Variants in TNRC6A observed in about 807,000 individuals in gnomAD.
TNRC6A encodes trinucleotide repeat-containing gene 6A protein.
In TNRC6A, 44 loss-of-function variants were observed where a neutral mutation model predicts 221.2. The ratio of observed to expected loss-of-function variants is 0.20; its 90% CI spans 0.16 to 0.26. TNRC6A has a LOEUF of 0.26. TNRC6A is among the 10% of genes least tolerant of loss of function. The pLI is 1.00. For missense variants in TNRC6A, 2,199 were observed against 2,404.4 expected, an observed-to-expected ratio of 0.91 and a Z score of 1.79; for synonymous variants, 847 against 838.5, an observed-to-expected ratio of 1.01 and a Z score of -0.18.
chr16:24,762,786 C>T (rs560542357), intron 4 of TNRC6A, among the ~76,000 whole-genome samples: 4 of 152,206 alleles, frequency 2.6e-5, no homozygotes, highest in Non-Finnish European at 5.9e-5. Flanking sequence ...TGACTACGAA[C>T]TTGACTGGGC....
intron 2 of TNRC6A, among the ~76,000 whole-genome samples, chr16:24,709,215 C>T (rs2056157214): frequency 6.6e-6 from 1 of 151,806 alleles, no homozygotes; most frequent in Non-Finnish European, 1.5e-5. Context: ...CGAGATCATA[C>T]CATTGCACTC....
At chr16:24,610,336 T>C (rs1256105546) in exon 1 of TNRC6A, 1 of 152,326 alleles carries the variant, frequency 6.6e-6, no homozygotes, top group Non-Finnish European at 1.5e-5. Flanking sequence ...GCTCTCCCCA[T>C]CGCTGGGTTC....
At chr16:24,806,855 C>A (rs1293317280) in intron 17 of TNRC6A, 71 bp downstream of exon 17, 2 of 1,384,490 alleles carry the variant, frequency 1.4e-6, no homozygotes, top group Non-Finnish European at 2.0e-6. Flanking sequence ...TCACACGTAC[C>A]CTTACAGCTC....
At chr16:24,716,101 G>A (rs555095757) in intron 2 of TNRC6A, among the ~76,000 whole-genome samples, 1 of 151,716 alleles carries the variant, frequency 6.6e-6, no homozygotes, top group African/African-American at 2.4e-5. Context: ...TTCAACTCAA[G>A]AAGTCCACTG....
At chr16:24,783,851 C>CT (rs1426698415) in intron 5 of TNRC6A, among the ~76,000 whole-genome samples, 3 of 152,134 alleles carry the variant, frequency 2.0e-5, no homozygotes, top group Admixed American at 2.0e-4. Context: ...TCTTGTGTGT[C>CT]TTTAAGTGAA....
chr16:24,651,965 T>A (rs970159171), intron 2 of TNRC6A, among the ~76,000 whole-genome samples: 2 of 151,366 alleles, frequency 1.3e-5, no homozygotes. Flanking sequence ...AAAAAAACTT[T>A]TTGATGATGG....
intron 2 of TNRC6A, among the ~76,000 whole-genome samples, chr16:24,693,973 T>C (rs2055807183): frequency 6.6e-6 from 1 of 152,212 alleles, no homozygotes; most frequent in African/African-American, 2.4e-5. Flanking sequence ...CCCTCATTTC[T>C]GGCTTTGTTT....
At chr16:24,814,405 T>C (rs1242650721) in intron 18 of TNRC6A, among the ~76,000 whole-genome samples, 2 of 138,680 alleles carry the variant, frequency 1.4e-5, no homozygotes, top group Non-Finnish European at 3.0e-5. Context: ...TTTCTTTTTT[T>C]TTTCTTTTTT....
At chr16:24,676,944 C>A (rs560837652) in intron 2 of TNRC6A, among the ~76,000 whole-genome samples, 1 of 152,096 alleles carries the variant, frequency 6.6e-6, no homozygotes, top group East Asian at 1.9e-4. Flanking sequence ...TTCCTCTAGC[C>A]TTCTTTTCTC....
At chr16:24,802,062 CTG>C (rs1230450075) in intron 11 of TNRC6A, among the ~76,000 whole-genome samples, 3 of 152,192 alleles carry the variant, frequency 2.0e-5, no homozygotes, top group African/African-American at 7.2e-5. Context: ...AGATTCATGA[CTG>C]GAACAGTACT....
In TNRC6A at chr16:24,649,639, G is replaced by A. The variant is rs371866566; in HGVS notation, n.402+8630G>A. ...ATACTTCTTTGTGTGTGTGTGGTAAGAACACTTAATATCTACTCTCTTAGC... is the reference window on the plus strand; with the variant it reads ...ATACTTCTTTGTGTGTGTGTGGTAAAAACACTTAATATCTACTCTCTTAGC... On this transcript the variant is annotated intron_variant and non_coding_transcript_variant, in intron 2 of 2. Coordinates refer to the TNRC6A transcript ENST00000566108. Among the ~76,000 whole-genome samples, 51 of 151,970 alleles carry A rather than the reference G, an allele frequency of 3.4e-4. 2 individuals are homozygous for A. The East Asian group carries it at 4.3e-3, about 13-fold the overall frequency.
In TNRC6A at chr16:24,797,479, A is replaced by G. The variant is rs11866661; in HGVS notation, c.3562-11A>G. 78 of 1,605,426 alleles carry G rather than the reference A, an allele frequency of 4.9e-5. No homozygotes were observed. In the African/African-American group the frequency reaches 9.1e-4, roughly 19 times the overall value. ...GCCATGGCATCTTTTCTACTCTTTT[A>G]TTTTACAAAGGGAATGATGAAAGGT... is the stretch of plus-strand genomic sequence containing the variant. On this transcript the variant is annotated splice_polypyrimidine_tract_variant and intron_variant, in intron 9 of 24. Coordinates refer to ENST00000395799, the MANE Select transcript of TNRC6A (RefSeq NM_014494.4).
chr16:24,757,968 G>A (rs2057287279), intron 3 of TNRC6A, among the ~76,000 whole-genome samples: 2 of 152,046 alleles, frequency 1.3e-5, no homozygotes, highest in South Asian at 4.1e-4. Flanking sequence ...ATTTAAACAT[G>A]CAAAATATAT....
chr16:24,701,997 A>AC (rs961402554), intron 2 of TNRC6A, among the ~76,000 whole-genome samples: 2 of 151,708 alleles, frequency 1.3e-5, no homozygotes, highest in Non-Finnish European at 2.9e-5. Context: ...AACAAAAAAA[A>AC]CACGCCTCTC....
At chr16:24,704,952 A>C (rs111850417) in intron 2 of TNRC6A, among the ~76,000 whole-genome samples, 4,262 of 152,150 alleles carry the variant, frequency 0.028, 207 homozygotes, top group African/African-American at 0.097. Flanking sequence ...CAGCATGGGC[A>C]ACATAACGAG....
At position 24,823,682 on chromosome 16, in the gene TNRC6A, C is replaced by T; in HGVS notation, c.5764C>T (p.Pro1922Ser). 6.2e-7 allele frequency: 1 copy of T among 1,608,922 alleles called. No homozygotes were observed. Among genetic ancestry groups the T allele is most frequent in the Non-Finnish European group, 8.5e-7 (1 of 1,176,674 alleles). The change falls in exon 25 of 25, where the codon CCG (proline) becomes TCG (serine). Residue 1922 changes from proline (P) to serine (S), a missense_variant. Around this residue, in one of 8 missense-constraint regions of TNRC6A, gnomAD observed 130 missense variants for 121.7 expected, o/e 1.07. Transcript: ENST00000395799. The surrounding 1 kb of genome is among the most constrained non-coding windows in gnomAD (Gnocchi z 4.3). ...DLHGTSLWGT[P>S]HYSTSLWGPP... ...TCACGGCACTTCACTCTGGGGGACCCCGCATTATTCCACAAGCCTGTGGGG... is the reference window on the plus strand; with the variant it reads ...TCACGGCACTTCACTCTGGGGGACCTCGCATTATTCCACAAGCCTGTGGGG...
At chr16:24,685,465 T>C (rs1252711794) in intron 2 of TNRC6A, among the ~76,000 whole-genome samples, 2 of 152,096 alleles carry the variant, frequency 1.3e-5, no homozygotes, top group African/African-American at 4.8e-5. Context: ...GCCTCCCAAG[T>C]AGCTGGGATT....
intron 2 of TNRC6A, among the ~76,000 whole-genome samples, chr16:24,643,108 AAAATATATATATAT>A (rs1902073192): frequency 8.0e-5 from 4 of 50,192 alleles, no homozygotes; most frequent in Non-Finnish European, 4.5e-5. Context: ...ATATATATAT[AAAATATATATATAT>A]AAAATATATA....
At position 24,805,062 on chromosome 16, in the gene TNRC6A, C is replaced by G. The variant is rs748539198; in HGVS notation, c.4033C>G (p.Arg1345Gly). 6.2e-7 allele frequency: 1 copy of G among 1,614,168 alleles called. No individual in the cohort carries two copies. Among genetic ancestry groups the G allele is most frequent in the Non-Finnish European group, 8.5e-7 (1 of 1,180,030 alleles). Reference sequence around the variant, plus strand: ...TGTTGGAAACACAGCAGCACAACCCCGGGGCATGCAGCAGCCTCCAGCACA... The same window carrying G: ...TGTTGGAAACACAGCAGCACAACCCGGGGGCATGCAGCAGCCTCCAGCACA... Reference protein sequence around the residue: ...FGVGNTAAQPRGMQQPPAQPL... With the variant: ...FGVGNTAAQPGGMQQPPAQPL... The change falls in exon 14 of 25, where the codon CGG becomes GGG. Residue 1345 changes from arginine to glycine, a missense_variant. Physicochemically the swap from Arg to Gly is moderately radical, Grantham distance 125 (BLOSUM62 -2). This residue lies in a region of TNRC6A where 449 missense variants were observed against 579.7 expected (regional missense o/e 0.77). Coordinates refer to ENST00000395799, the MANE Select transcript of TNRC6A (RefSeq NM_014494.4).
Sources: gnomAD v4.1 joint callset for allele counts (sites outside exome capture counted in the v4.1 genomes callset) on GRCh38, gnomAD v4.1.1 for gene constraint, gnomAD v4.1.1 regional missense constraint, Gnocchi (gnomAD v3.1) non-coding constraint, MANE v1.5 for transcripts, NCBI Gene and HGNC (gene_info 2026-07-23, HGNC 2026-07-21) for gene names.